Variants in DHRSX observed in about 807,000 individuals in gnomAD.
DHRSX encodes dehydrogenase/reductase X-linked.
Under a neutral mutation model 34.0 loss-of-function variants are expected in DHRSX, and 31 were observed. That is an observed-to-expected ratio of 0.91 (90% CI 0.69 to 1.23). The LOEUF (loss-of-function observed/expected upper bound fraction) is 1.23. Ranked by LOEUF, DHRSX falls within the 50% of genes most tolerant of loss-of-function variation. The pLI, the probability that DHRSX is intolerant of heterozygous loss-of-function variation, is 0.00. For missense variants in DHRSX, 414 were observed against 428.1 expected (o/e 0.97, Z 0.29); for synonymous variants, 201 against 183.8 (o/e 1.09, Z -0.76).
At chrX:2,243,468 G>A (rs1472166653) in intron 5 of DHRSX, among the ~76,000 whole-genome samples, 2 of 152,026 alleles carry the variant, frequency 1.3e-5, no homozygotes, top group African/African-American at 4.8e-5. Context: ...GTTAAATTAT[G>A]TTACTAATTT....
intron 3 of DHRSX, among the ~76,000 whole-genome samples, chrX:2,315,153 C>T (rs926789079): frequency 1.4e-5 from 2 of 144,380 alleles, no homozygotes; most frequent in African/African-American, 2.7e-5. Flanking sequence ...AGTGAAACTC[C>T]GTTTCAATAA....
chrX:2,263,944 T>C (rs1192362059), intron 5 of DHRSX, among the ~76,000 whole-genome samples: 1 of 152,246 alleles, frequency 6.6e-6, no homozygotes, highest in Non-Finnish European at 1.5e-5. Context: ...GTACATTGCG[T>C]GTCGACAGGA....
At chrX:2,429,294 G>A (rs2043887963) in intron 1 of DHRSX, among the ~76,000 whole-genome samples, 1 of 152,074 alleles carries the variant, frequency 6.6e-6, no homozygotes, top group Admixed American at 6.6e-5. Flanking sequence ...CATATATACT[G>A]TGTATGTATA....
intron 3 of DHRSX, among the ~76,000 whole-genome samples, chrX:2,308,029 T>C (rs2042121075): frequency 6.6e-6 from 1 of 152,098 alleles, no homozygotes. Context: ...GATAGGTTTT[T>C]TCATTCCACC....
intron 3 of DHRSX, among the ~76,000 whole-genome samples, chrX:2,343,156 A>T (rs2042661167): frequency 6.6e-6 from 1 of 152,150 alleles, no homozygotes; most frequent in Non-Finnish European, 1.5e-5. Context: ...CCCTGCAATA[A>T]ACTCTCCCTC....
intron 3 of DHRSX, among the ~76,000 whole-genome samples, chrX:2,316,713 C>A (rs1356292092): frequency 5.3e-5 from 8 of 152,090 alleles, no homozygotes; most frequent in Non-Finnish European, 1.0e-4. Flanking sequence ...GCCTAGTGTT[C>A]CATTATTGGA....
chrX:2,352,685 C>T (rs28629876), intron 3 of DHRSX, among the ~76,000 whole-genome samples: 31,536 of 151,928 alleles, frequency 0.21, 3,578 homozygotes, highest in African/African-American at 0.26. Context: ...TACCACGTTT[C>T]GGCGTCTTCA....
chrX:2,295,415 G>C (rs2041920196), intron 3 of DHRSX, among the ~76,000 whole-genome samples: 1 of 146,928 alleles, frequency 6.8e-6, no homozygotes, highest in Non-Finnish European at 1.6e-5. Flanking sequence ...TCACACACCA[G>C]GGCTTGCTGG....
At chrX:2,222,567 CG>C (rs1322727348) in intron 6 of DHRSX, among the ~76,000 whole-genome samples, 1 of 152,170 alleles carries the variant, frequency 6.6e-6, no homozygotes, top group Admixed American at 6.5e-5. Flanking sequence ...TCCATTTGCC[CG>C]AACTGATTTC....
intron 5 of DHRSX, among the ~76,000 whole-genome samples, chrX:2,244,671 C>T (rs34414678): frequency 0.22 from 31,712 of 146,316 alleles, 3,725 homozygotes; most frequent in African/African-American, 0.29. Context: ...AGGTTCATAT[C>T]GCTTGCTTCT....
chrX:2,296,065 G>A (rs982150651), intron 3 of DHRSX, among the ~76,000 whole-genome samples: 4 of 152,086 alleles, frequency 2.6e-5, no homozygotes, highest in African/African-American at 4.8e-5. Flanking sequence ...GCCACGCCGG[G>A]CATCTCTAGA....
chrX:2,323,260 G>A (rs1192202567), intron 3 of DHRSX, among the ~76,000 whole-genome samples: 1 of 152,170 alleles, frequency 6.6e-6, no homozygotes, highest in African/African-American at 2.4e-5. Flanking sequence ...GAGCTATTCT[G>A]CCTTGTAGAG....
At chrX:2,306,654 A>G (rs1459934024) in intron 3 of DHRSX, among the ~76,000 whole-genome samples, 1 of 151,882 alleles carries the variant, frequency 6.6e-6, no homozygotes, top group East Asian at 1.9e-4. Flanking sequence ...GGTTTCGATG[A>G]TCAGTCATCT....
intron 1 of DHRSX, among the ~76,000 whole-genome samples, chrX:2,492,990 G>A (rs1254916321): frequency 4.6e-5 from 7 of 152,208 alleles, no homozygotes; most frequent in African/African-American, 9.6e-5. Context: ...TTCCGTCAAC[G>A]GTGCCCGCCC....
At chrX:2,476,642 A>G (rs6641798) in intron 1 of DHRSX, among the ~76,000 whole-genome samples, 65,477 of 151,858 alleles carry the variant, frequency 0.43, 14,662 homozygotes, top group African/African-American at 0.56. Context: ...TCCTCAAAAC[A>G]ACGCCACGTA....
intron 6 of DHRSX, among the ~76,000 whole-genome samples, chrX:2,223,930 C>A (rs2124392153): frequency 6.6e-6 from 1 of 152,296 alleles, no homozygotes; most frequent in East Asian, 1.9e-4. Context: ...TCCCACACTG[C>A]TGCTCTGGAC....
intron 1 of DHRSX, chrX:2,488,862 G>C: frequency 6.2e-7 from 1 of 1,613,344 alleles, no homozygotes; most frequent in Non-Finnish European, 8.5e-7. Context: ...CCGAAGAGAC[G>C]CTCAGGGGCG....
intron 3 of DHRSX, among the ~76,000 whole-genome samples, chrX:2,357,260 A>T (rs1431204028): frequency 6.6e-6 from 1 of 152,118 alleles, no homozygotes; most frequent in African/African-American, 2.4e-5. Flanking sequence ...AGAAAAAAAA[A>T]GTTACACATG....
intron 3 of DHRSX, among the ~76,000 whole-genome samples, chrX:2,357,405 T>C (rs1469094684): frequency 6.6e-6 from 1 of 151,824 alleles, no homozygotes; most frequent in African/African-American, 2.4e-5. Context: ...ATAAGATGTA[T>C]AGTAAGCCAT....
Sources: allele counts gnomAD v4.1 joint callset (sites outside exome capture counted in the v4.1 genomes callset), GRCh38; gene constraint gnomAD v4.1.1; transcripts MANE v1.5; gene names NCBI Gene and HGNC (gene_info 2026-07-23, HGNC 2026-07-21).